Variants in CYP19A1 observed in about 807,000 individuals in gnomAD.
CYP19A1 encodes the protein aromatase.
A neutral mutation model predicts 44.4 loss-of-function variants in CYP19A1; 32 were observed. That is an observed-to-expected ratio of 0.72 (90% confidence interval 0.54 to 0.97). The LOEUF is 0.97. Ranked by LOEUF, CYP19A1 falls within the 50% of genes least tolerant of loss-of-function variation. The probability of loss-of-function intolerance (pLI) is 0.00; values close to 1 mark genes in which losing one functional copy is unlikely to be tolerated. For missense variants in CYP19A1, 598 were observed against 637.8 expected (o/e 0.94, Z 0.67); for synonymous variants, 212 against 215.6 (o/e 0.98, Z 0.14).
chr15:51,233,810 T>C (rs572332319), intron 3 of CYP19A1, among the ~76,000 whole-genome samples: 3 of 152,280 alleles, frequency 2.0e-5, no homozygotes, highest in East Asian at 3.9e-4. Flanking sequence ...ACATATAGTG[T>C]CATACGCAGC....
intron 1 of CYP19A1, among the ~76,000 whole-genome samples, chr15:51,331,850 T>A (rs1402770981): frequency 1.3e-5 from 2 of 152,140 alleles, no homozygotes; most frequent in Non-Finnish European, 1.5e-5. Context: ...TTGCCTGGTA[T>A]TTTTTCTTGA....
chr15:51,215,527 C>A (rs1338579038), intron 7 of CYP19A1, among the ~76,000 whole-genome samples, 176 bp downstream of exon 7: 1 of 152,216 alleles, frequency 6.6e-6, no homozygotes, highest in African/African-American at 2.4e-5. Flanking sequence ...ATGTTCCAAT[C>A]TTAAAAGCCT....
At chr15:51,253,615 C>T (rs2034408915) in intron 1 of CYP19A1, among the ~76,000 whole-genome samples, 1 of 152,192 alleles carries the variant, frequency 6.6e-6, no homozygotes, top group African/African-American at 2.4e-5. Context: ...CTACTATCCT[C>T]TGCCCAGTCA....
intron 8 of CYP19A1, among the ~76,000 whole-genome samples, chr15:51,213,919 C>T: frequency 6.6e-6 from 1 of 152,148 alleles, no homozygotes. Context: ...CTAGGAGGCA[C>T]TCAAGAAAAC....
intron 1 of CYP19A1, among the ~76,000 whole-genome samples, chr15:51,306,443 G>A (rs147177087): frequency 1.1e-4 from 16 of 151,432 alleles, no homozygotes; most frequent in Non-Finnish European, 2.4e-4. Context: ...TCATTTTAAT[G>A]TTTAAATCAT....
chr15:51,222,595 CT>C, intron 4 of CYP19A1, 70 bp from the exon 5 acceptor site: 3 of 1,324,600 alleles, frequency 2.3e-6, no homozygotes, highest in South Asian at 2.5e-5. Context: ...GCCATTTTGG[CT>C]TTTTATGTTG....
At chr15:51,238,582 G>A (rs77138952) in intron 2 of CYP19A1, among the ~76,000 whole-genome samples, 1 of 152,068 alleles carries the variant, frequency 6.6e-6, no homozygotes, top group Non-Finnish European at 1.5e-5. Flanking sequence ...TCCACCTCCC[G>A]GGTTCAAGCG....
intron 1 of CYP19A1, among the ~76,000 whole-genome samples, chr15:51,327,172 C>T (rs2036620851): frequency 6.6e-6 from 1 of 152,164 alleles, no homozygotes; most frequent in Non-Finnish European, 1.5e-5. Flanking sequence ...GGACTTAGTC[C>T]AGCCCTAAGG....
At chr15:51,271,055 T>C (rs1330990601) in intron 1 of CYP19A1, among the ~76,000 whole-genome samples, 1 of 148,664 alleles carries the variant, frequency 6.7e-6, no homozygotes, top group African/African-American at 2.5e-5. Flanking sequence ...TTTTTTTTTT[T>C]ACTTCTCTGC....
intron 1 of CYP19A1, among the ~76,000 whole-genome samples, chr15:51,249,752 C>G (rs945844622): frequency 5.3e-5 from 8 of 152,156 alleles, no homozygotes; most frequent in African/African-American, 1.9e-4. Flanking sequence ...ATGCTGTGAT[C>G]TTCTAATAAT....
At chr15:51,291,261 G>A (rs1439798231) in intron 1 of CYP19A1, among the ~76,000 whole-genome samples, 1 of 152,136 alleles carries the variant, frequency 6.6e-6, no homozygotes, top group South Asian at 2.1e-4. Flanking sequence ...CTGGTTGCAT[G>A]GGCCCAGATG....
At chr15:51,271,800 T>A (rs1332305217) in intron 1 of CYP19A1, among the ~76,000 whole-genome samples, 1 of 152,200 alleles carries the variant, frequency 6.6e-6, no homozygotes, top group African/African-American at 2.4e-5. Flanking sequence ...GTTCATATTA[T>A]CCCCCCATCA....
At chr15:51,327,450 C>T (rs998643764) in intron 1 of CYP19A1, among the ~76,000 whole-genome samples, 11 of 152,106 alleles carry the variant, frequency 7.2e-5, no homozygotes. Context: ...TGCATGCATG[C>T]ATTCACTCAT....
chr15:51,327,840 A>G (rs1027930254), intron 1 of CYP19A1, among the ~76,000 whole-genome samples: 2 of 152,166 alleles, frequency 1.3e-5, no homozygotes, highest in African/African-American at 2.4e-5. Flanking sequence ...CATAGATAAT[A>G]TATCTACCTA....
intron 1 of CYP19A1, among the ~76,000 whole-genome samples, chr15:51,252,107 A>G (rs2034335378): frequency 6.6e-6 from 1 of 152,136 alleles, no homozygotes; most frequent in Non-Finnish European, 1.5e-5. Context: ...AGGCCCAGGT[A>G]TGCAGAGATA....
intron 1 of CYP19A1, among the ~76,000 whole-genome samples, chr15:51,260,330 G>A (rs1194511806): frequency 6.6e-6 from 1 of 152,218 alleles, no homozygotes. Context: ...ATATAAGAAA[G>A]CCTATAGAAG....
chr15:51,248,933 CT>C lies in CYP19A1; in HGVS notation c.-38-5984del, dbSNP rs375834140. Among the ~76,000 whole-genome samples, 1,187 of 140,250 alleles carry C rather than the reference CT, an allele frequency of 8.5e-3. 7 individuals are homozygous for C. Among genetic ancestry groups the C allele is most frequent in the African/African-American group, 0.019 (742 of 38,410 alleles). 92.0% of individuals were successfully genotyped at this position (140,250 alleles called of 152,430 possible). On this transcript the variant is annotated intron_variant, in intron 1 of 9. Transcript: ENST00000396402. ...TTGTCTACAAGACTTTCAAATTCAT[CT>C]TTTTTTTTTTTTTTTTAGACAGAGT...
intron 3 of CYP19A1, among the ~76,000 whole-genome samples, chr15:51,231,487 C>T (rs2033028823): frequency 1.3e-5 from 2 of 152,122 alleles, no homozygotes; most frequent in Admixed American, 6.5e-5. Flanking sequence ...CCTGAATCCT[C>T]AACTCCCTTG....
At chr15:51,301,389 T>C (rs547575006) in intron 1 of CYP19A1, among the ~76,000 whole-genome samples, 2 of 152,228 alleles carry the variant, frequency 1.3e-5, no homozygotes, top group Non-Finnish European at 2.9e-5. Context: ...TGGTCCTAAC[T>C]TGACCAGAGG....
Sources: gnomAD v4.1 joint callset for allele counts (sites outside exome capture counted in the v4.1 genomes callset) on GRCh38, gnomAD v4.1.1 for gene constraint, MANE v1.5 for transcripts, NCBI Gene and HGNC (gene_info 2026-07-23, HGNC 2026-07-21) for gene names.